GTPBP1: variants seen among roughly 807,000 people sequenced by gnomAD.
GTPBP1 encodes GTP-binding protein 1.
GTPBP1 carries 23 observed loss-of-function variants against 62.0 expected under a neutral mutation model. That is an observed-to-expected ratio of 0.37 (90% confidence interval 0.27 to 0.53). The LOEUF is 0.53. Among genes scored for constraint, GTPBP1 ranks in the 20% least tolerant of loss-of-function variants. The probability of loss-of-function intolerance (pLI) is 0.89; values close to 1 mark genes in which losing one functional copy is unlikely to be tolerated. For synonymous variants in GTPBP1, 344 were observed against 364.4 expected (o/e 0.94, Z 0.64); for missense variants, 640 against 917.3 (o/e 0.70, Z 3.90).
downstream of GTPBP1, among the ~76,000 whole-genome samples, chr22:38,741,793 G>A (rs1358169498): frequency 2.6e-5 from 4 of 152,188 alleles, no homozygotes; most frequent in Non-Finnish European, 5.9e-5. Context: ...AGCTCACTAT[G>A]GGGGTGGGGG....
At chr22:38,725,799 A>T in intron 6 of GTPBP1, 1 of 580,064 alleles carries the variant, frequency 1.7e-6, no homozygotes. Flanking sequence ...TGAGTGAGAG[A>T]AGAAGGCCTC....
chr22:38,713,664 T>G, intron 2 of GTPBP1, among the ~76,000 whole-genome samples: 1 of 152,216 alleles, frequency 6.6e-6, no homozygotes, highest in African/African-American at 2.4e-5. Flanking sequence ...CCTGAACTCA[T>G]GGCCTCCCCC....
downstream of GTPBP1, chr22:38,739,241 G>T: frequency 7.5e-7 from 1 of 1,330,954 alleles, no homozygotes; most frequent in Non-Finnish European, 1.1e-6. The surrounding 1 kb of genome is among the most constrained non-coding windows in gnomAD (Gnocchi z 6.7). Context: ...TGCTGATCCT[G>T]AGCTTTGCTT....
At chr22:38,706,596 G>T in intron 1 of GTPBP1, 1 of 162,848 alleles carries the variant, frequency 6.1e-6, no homozygotes, top group Non-Finnish European at 1.4e-5. Flanking sequence ...GCAGGGGGCC[G>T]AGACGCTCAT....
downstream of GTPBP1, among the ~76,000 whole-genome samples, chr22:38,741,740 C>T (rs2092859497): frequency 1.3e-5 from 2 of 152,262 alleles, no homozygotes; most frequent in South Asian, 4.1e-4. Context: ...CCACTGCACA[C>T]CTCTGCGGTG....
At chr22:38,711,462 G>A (rs140617581) in intron 2 of GTPBP1, among the ~76,000 whole-genome samples, 91 of 152,272 alleles carry the variant, frequency 6.0e-4, no homozygotes, top group African/African-American at 2.1e-3. Flanking sequence ...GGAAATCATC[G>A]TGAATAGTGA....
In GTPBP1 at chr22:38,708,942, T is replaced by C. The variant is rs773600203; in HGVS notation, c.290T>C (p.Ile97Thr). Reference sequence around the variant, plus strand: ...GGATGCGGAGAGACCATATATGTCATTGGGCAGGGATCAGGTGAGCATAGT... The same window carrying C: ...GGATGCGGAGAGACCATATATGTCACTGGGCAGGGATCAGGTGAGCATAGT... ...DEGCGETIYV[I>T]GQGSDGTEYG... is the part of the protein sequence containing the mutation. The change falls in exon 2 of 12, where the codon ATT becomes ACT. Residue 97 changes from isoleucine to threonine, a missense_variant. Transcript: ENST00000216044. 6.3e-6 allele frequency: 10 copies of C among 1,579,180 alleles called. No individual in the cohort carries two copies. The highest frequency in any genetic ancestry group is 1.7e-5 in the Admixed American group (1 of 59,980).
intron 5 of GTPBP1, chr22:38,723,301 A>G (rs1051258737): frequency 1.1e-6 from 1 of 870,636 alleles, no homozygotes. Context: ...AATAGGGTGC[A>G]TGCTGGGCGA....
At chr22:38,736,267 C>T, downstream of GTPBP1, 2 of 1,611,610 alleles carry the variant, frequency 1.2e-6, no homozygotes, top group Non-Finnish European at 1.7e-6. Flanking sequence ...GTAAGCAGGG[C>T]TAGTGGGCGG....
rs2092749564 is a variant in GTPBP1 at position 38,730,194 on chromosome 22, G to A, written c.1918-418G>A. 6.6e-6 allele frequency among the ~76,000 whole-genome samples: 1 copy of A among 152,158 alleles called. No homozygotes were observed. Among genetic ancestry groups the A allele is most frequent in the Non-Finnish European group, 1.5e-5 (1 of 68,030 alleles). ...GCGTGATGAAGGCCTGGTGCCCCTT[G>A]CACCCCTCTCCCCAGCATCTTTCTC... is the stretch of plus-strand genomic sequence containing the variant. On this transcript the variant is annotated intron_variant, in intron 11 of 11. Transcript: ENST00000216044. This position sits in a 1 kb window ranked among gnomAD's most constrained non-coding sequence, Gnocchi z 5.6.
chr22:38,736,595 CA>C (rs2092807522), downstream of GTPBP1: 1 of 419,712 alleles, frequency 2.4e-6, no homozygotes, highest in Non-Finnish European at 4.2e-6. Context: ...TAGCACACTT[CA>C]TCTGAAACCG....
chr22:38,722,105 C>A (rs978302313), intron 5 of GTPBP1, among the ~76,000 whole-genome samples: 3 of 151,798 alleles, frequency 2.0e-5, no homozygotes, highest in African/African-American at 7.3e-5. Context: ...CTTTATAATC[C>A]GTTACACTGG....
At chr22:38,724,127 A>G (rs1474094355) in intron 5 of GTPBP1, among the ~76,000 whole-genome samples, 170 bp from the exon 6 acceptor site, 1 of 152,160 alleles carries the variant, frequency 6.6e-6, no homozygotes, top group East Asian at 1.9e-4. Context: ...AGCAGCACCC[A>G]AAGTTTTGAT....
At chr22:38,724,465 A>G in intron 6 of GTPBP1, 54 bp downstream of exon 6, 1 of 1,019,442 alleles carries the variant, frequency 9.8e-7, no homozygotes, top group Non-Finnish European at 1.6e-6. Context: ...GCAGGACCAC[A>G]GTGAGTGATG....
At chr22:38,706,995 GTTCCCT>G (rs1451364745) in intron 1 of GTPBP1, 3 of 151,646 alleles carry the variant, frequency 2.0e-5, no homozygotes, top group Non-Finnish European at 4.4e-5. Flanking sequence ...ACAGGGCTGG[GTTCCCT>G]TTCCTGCCCT....
At position 38,714,046 on chromosome 22, in the gene GTPBP1, G is replaced by A. The variant is rs149947912; in HGVS notation, c.305-1861G>A. Among the ~76,000 whole-genome samples the A allele has an allele frequency of 1.3e-3, 198 of 152,352 alleles. 1 individual carries two copies. The highest frequency in any genetic ancestry group is 4.6e-3 in the African/African-American group (193 of 41,584). The stretch of plus-strand genomic sequence containing the variant: ...ATTCAGGAGACAAGAGCGGGGGACG[G>A]GGTGGGGAGGCACATCAGGAGAGGT... On this transcript the variant is annotated intron_variant, in intron 2 of 11. Transcript: ENST00000216044.
chr22:38,716,135 T>C lies in GTPBP1; in HGVS notation c.485+48T>C. The C allele has an allele frequency of 6.8e-7, 1 of 1,466,764 alleles. No homozygotes were observed. Among genetic ancestry groups the C allele is most frequent in the Non-Finnish European group, 9.3e-7 (1 of 1,070,586 alleles). The allele number at this position is 1,466,764 out of a possible 1,614,324, so 90.9% of individuals were successfully genotyped here. ...TGGGGTCCCCATTCTTCACAGAGGT[T>C]GGTGACTGAGCCTGTGGCACTTGGC... On this transcript the variant is annotated intron_variant, in intron 3 of 11. Transcript: ENST00000216044. This position sits in a 1 kb window ranked among gnomAD's most constrained non-coding sequence, Gnocchi z 5.2.
At position 38,717,040 on chromosome 22, in the gene GTPBP1, G is replaced by C. The variant is rs754343843; in HGVS notation, c.834+40G>C. 2.4e-5 allele frequency: 30 copies of C among 1,254,940 alleles called. No individual in the cohort carries two copies. In the Admixed American group the frequency reaches 5.2e-4, roughly 22 times the overall value. 77.7% of individuals were successfully genotyped at this position (1,254,940 alleles called of 1,614,324 possible). The stretch of plus-strand genomic sequence containing the variant: ...CCCCAAGGAGGGGAGGCGTCAGCAG[G>C]GCTGCTTGGGTCTGGTTATGTGCAA... On this transcript the variant is annotated intron_variant, in intron 4 of 11. Coordinates refer to ENST00000216044, the MANE Select transcript of GTPBP1 (RefSeq NM_004286.5).
intron 4 of GTPBP1, among the ~76,000 whole-genome samples, chr22:38,719,262 C>T (rs912962372): frequency 1.3e-5 from 2 of 152,184 alleles, no homozygotes; most frequent in African/African-American, 4.8e-5. Context: ...CCACCTTGGC[C>T]TCCCAAAGTG....
Sources: gnomAD v4.1 joint callset for allele counts (sites outside exome capture counted in the v4.1 genomes callset) on GRCh38, gnomAD v4.1.1 for gene constraint, Gnocchi (gnomAD v3.1) non-coding constraint, MANE v1.5 for transcripts, NCBI Gene and HGNC (gene_info 2026-07-23, HGNC 2026-07-21) for gene names.